The following LINGO2 variants were observed in gnomAD, a reference collection of about 807,000 sequenced individuals.
The protein encoded by LINGO2 is leucine rich repeat and Ig domain containing 2.
A neutral mutation model predicts 30.6 loss-of-function variants in LINGO2; 14 were observed. The ratio of observed to expected loss-of-function variants is 0.46; its 90% confidence interval spans 0.30 to 0.72. The LOEUF (loss-of-function observed/expected upper bound fraction) is 0.72. Among genes scored for constraint, LINGO2 ranks in the 30% least tolerant of loss-of-function variants. The probability of loss-of-function intolerance (pLI) is 0.07; values close to 1 mark genes in which losing one functional copy is unlikely to be tolerated. For missense variants in LINGO2, 729 were observed against 751.7 expected (o/e 0.97, Z 0.35); for synonymous variants, 317 against 288.5 (o/e 1.10, Z -1.00).
the LINGO2 span, among the ~76,000 whole-genome samples, chr9:28,934,802 T>G: frequency 6.6e-6 from 1 of 152,186 alleles, no homozygotes; most frequent in Non-Finnish European, 1.5e-5. Flanking sequence ...TTGCTTCAAT[T>G]TCCTCAATTT....
chr9:28,886,331 GA>G, the LINGO2 span, among the ~76,000 whole-genome samples: 1 of 152,012 alleles, frequency 6.6e-6, no homozygotes, highest in African/African-American at 2.4e-5. Context: ...ATGGTACTAT[GA>G]AAAAAATTTT....
chr9:28,321,180 A>T (rs1334164086), intron 3 of LINGO2, among the ~76,000 whole-genome samples: 1 of 152,172 alleles, frequency 6.6e-6, no homozygotes, highest in Non-Finnish European at 1.5e-5. Context: ...AAACTATTCC[A>T]TATGTTTCTC....
chr9:28,431,212 A>G (rs746834110), intron 2 of LINGO2, among the ~76,000 whole-genome samples: 12 of 152,194 alleles, frequency 7.9e-5, no homozygotes, highest in Non-Finnish European at 1.6e-4. Context: ...AAATACTAGG[A>G]GTCAGGAATC....
the LINGO2 span, among the ~76,000 whole-genome samples, chr9:28,737,647 C>T: frequency 1.3e-4 from 1 of 7,662 alleles, no homozygotes. Context: ...ACTCTCTGGA[C>T]TTATGTCAGC....
At chr9:28,367,227 A>G (rs1390828482) in intron 3 of LINGO2, among the ~76,000 whole-genome samples, 1 of 152,188 alleles carries the variant, frequency 6.6e-6, no homozygotes, top group African/African-American at 2.4e-5. Flanking sequence ...CATGACTTGC[A>G]TGATTTCTAT....
intron 4 of LINGO2, among the ~76,000 whole-genome samples, chr9:28,158,114 C>T (rs1340181850): frequency 1.3e-5 from 2 of 152,158 alleles, no homozygotes; most frequent in African/African-American, 4.8e-5. Flanking sequence ...CTAATAAAGA[C>T]ATGCCCAGTC....
At chr9:28,937,280 G>A in the LINGO2 span, among the ~76,000 whole-genome samples, 4 of 152,088 alleles carry the variant, frequency 2.6e-5, no homozygotes, top group Non-Finnish European at 5.9e-5. Context: ...ATCGCGTATG[G>A]TAAGACTTGA....
At chr9:28,434,800 G>A (rs1823856030) in intron 2 of LINGO2, among the ~76,000 whole-genome samples, 2 of 151,900 alleles carry the variant, frequency 1.3e-5, no homozygotes, top group South Asian at 4.2e-4. Context: ...GTCACAGCTT[G>A]GATATCTATT....
Position 28,512,498 on chromosome 9 carries a change from T to C in LINGO2, c.-364-36473A>G, listed in dbSNP as rs1820429973. Among the ~76,000 whole-genome samples, 2 of 150,304 alleles carry C rather than the reference T, an allele frequency of 1.3e-5. 1 individual carries two copies. Among genetic ancestry groups the C allele is most frequent in the South Asian group, 4.2e-4 (2 of 4,738 alleles). On this transcript the variant is annotated intron_variant, in intron 1 of 5. Transcript: ENST00000379992. ...GCAGCTTGCTAAGAGCCTGAACCTG[T>C]TGCAGAGCCTTCTCCTGTTCTGGAT...
At chr9:28,141,658 T>G (rs1827675199) in intron 4 of LINGO2, among the ~76,000 whole-genome samples, 1 of 152,148 alleles carries the variant, frequency 6.6e-6, no homozygotes, top group Non-Finnish European at 1.5e-5. Flanking sequence ...GGCTCATGCA[T>G]GTAATCCCAG....
the LINGO2 span, among the ~76,000 whole-genome samples, chr9:28,937,575 C>A: frequency 6.6e-6 from 1 of 152,074 alleles, no homozygotes; most frequent in Non-Finnish European, 1.5e-5. Context: ...ACTTTCTAGA[C>A]CCATTGGTGA....
At chr9:28,930,653 T>C in the LINGO2 span, among the ~76,000 whole-genome samples, 1 of 152,122 alleles carries the variant, frequency 6.6e-6, no homozygotes. This position sits in a 1 kb window ranked among gnomAD's most constrained non-coding sequence, Gnocchi z 4.2. Context: ...TGCTATTACA[T>C]AGTAGATTCT....
At chr9:28,563,009 G>T (rs1322238601) in intron 1 of LINGO2, among the ~76,000 whole-genome samples, 1 of 151,968 alleles carries the variant, frequency 6.6e-6, no homozygotes, top group Non-Finnish European at 1.5e-5. Context: ...ACCACGCCCT[G>T]CTAATTTTTG....
At chr9:28,918,625 T>C in the LINGO2 span, among the ~76,000 whole-genome samples, 1 of 152,204 alleles carries the variant, frequency 6.6e-6, no homozygotes, top group Non-Finnish European at 1.5e-5. Context: ...CACAGGATTA[T>C]TTAATTTTAG....
chr9:28,713,736 T>A, the LINGO2 span, among the ~76,000 whole-genome samples: 27 of 152,102 alleles, frequency 1.8e-4, no homozygotes, highest in Non-Finnish European at 3.8e-4. Flanking sequence ...TAAGAAGCAG[T>A]GGCTACCACA....
the LINGO2 span, among the ~76,000 whole-genome samples, chr9:28,727,650 A>G: frequency 1.3e-5 from 2 of 152,174 alleles, no homozygotes; most frequent in Admixed American, 6.5e-5. Context: ...TAGATAAAAC[A>G]GTCAACTGGG....
intron 4 of LINGO2, among the ~76,000 whole-genome samples, chr9:28,247,500 C>A (rs545414133): frequency 1.7e-4 from 26 of 152,144 alleles, no homozygotes; most frequent in African/African-American, 6.0e-4. Context: ...AACACAGGAA[C>A]AGAAAACCAA....
chr9:28,453,663 A>G (rs1824734757), intron 2 of LINGO2, among the ~76,000 whole-genome samples: 1 of 151,962 alleles, frequency 6.6e-6, no homozygotes, highest in African/African-American at 2.4e-5. Context: ...AGATTTATAG[A>G]AAATCATACC....
intron 4 of LINGO2, among the ~76,000 whole-genome samples, chr9:28,060,984 G>C (rs1198917821): frequency 6.6e-6 from 1 of 151,900 alleles, no homozygotes; most frequent in African/African-American, 2.4e-5. Context: ...ATTTTTTAGA[G>C]AGGCTTTTCT....
Sources: gnomAD v4.1 joint callset for allele counts (sites outside exome capture counted in the v4.1 genomes callset) on GRCh38, gnomAD v4.1.1 for gene constraint, Gnocchi (gnomAD v3.1) non-coding constraint, MANE v1.5 for transcripts, NCBI Gene and HGNC (gene_info 2026-07-23, HGNC 2026-07-21) for gene names.